Variants in CNTNAP2 observed in about 807,000 individuals in gnomAD.
CNTNAP2 encodes the protein contactin associated protein 2, also known as contactin-associated protein-like 2.
In CNTNAP2, 98 loss-of-function variants were observed where a neutral mutation model predicts 155.2. The ratio of observed to expected loss-of-function variants is 0.63; its 90% CI spans 0.54 to 0.75. The LOEUF is 0.75. Among genes scored for constraint, CNTNAP2 ranks in the 30% least tolerant of loss-of-function variants. The pLI, the probability that CNTNAP2 is intolerant of heterozygous loss-of-function variation, is 0.00. For missense variants in CNTNAP2, 1,727 were observed against 1,688.1 expected, an observed-to-expected ratio of 1.02 and a Z score of -0.40; for synonymous variants, 651 against 631.2, an observed-to-expected ratio of 1.03 and a Z score of -0.47.
intron 1 of CNTNAP2, among the ~76,000 whole-genome samples, chr7:146,350,123 G>T (rs1794889990): frequency 6.6e-6 from 1 of 151,810 alleles, no homozygotes; most frequent in Admixed American, 6.6e-5. Context: ...ATGTAGATTT[G>T]GTCTTTTCAC....
At chr7:147,786,854 T>C (rs551775173) in intron 13 of CNTNAP2, among the ~76,000 whole-genome samples, 5 of 152,138 alleles carry the variant, frequency 3.3e-5, no homozygotes, top group Non-Finnish European at 1.5e-5. Context: ...CTGTAGTCCC[T>C]GCTACTCATG....
intron 12 of CNTNAP2, among the ~76,000 whole-genome samples, chr7:147,614,969 C>T (rs1801253616): frequency 6.6e-6 from 1 of 151,318 alleles, no homozygotes; most frequent in South Asian, 2.1e-4. Flanking sequence ...ATTAAGAATT[C>T]AAGCCACATG....
intron 8 of CNTNAP2, 98 bp from the exon 9 acceptor site, chr7:147,300,043 A>G: frequency 7.5e-7 from 1 of 1,338,490 alleles, no homozygotes; most frequent in Non-Finnish European, 1.1e-6. Context: ...CCAAGAGAAA[A>G]ATACTTTTAT....
intron 8 of CNTNAP2, among the ~76,000 whole-genome samples, chr7:147,290,349 C>T (rs1171001749): frequency 1.3e-5 from 2 of 152,092 alleles, no homozygotes; most frequent in African/African-American, 4.8e-5. Context: ...CAGGGGACCG[C>T]TTTTAACAGC....
At chr7:148,299,372 T>C (rs1029782188) in intron 21 of CNTNAP2, among the ~76,000 whole-genome samples, 1 of 152,134 alleles carries the variant, frequency 6.6e-6, no homozygotes, top group Non-Finnish European at 1.5e-5. Flanking sequence ...TGGGAAAAGG[T>C]GTGTTGCATC....
intron 15 of CNTNAP2, chr7:148,044,745 C>T (rs1585094719): frequency 6.6e-6 from 1 of 152,372 alleles, no homozygotes. Flanking sequence ...ATTACCCAGT[C>T]TAAGATATTT....
intron 8 of CNTNAP2, among the ~76,000 whole-genome samples, chr7:147,288,915 A>G (rs1445896740): frequency 6.6e-6 from 1 of 152,180 alleles, no homozygotes; most frequent in Non-Finnish European, 1.5e-5. Flanking sequence ...TTCCCTTTAT[A>G]CATACATGTA....
intron 10 of CNTNAP2, among the ~76,000 whole-genome samples, chr7:147,448,472 A>ATGTG (rs201062278): frequency 1.7e-5 from 2 of 119,352 alleles, no homozygotes; most frequent in African/African-American, 5.7e-5. Context: ...CAAACCAAAT[A>ATGTG]TGTGTGTGTG....
At chr7:148,329,856 G>A (rs1457512159) in intron 21 of CNTNAP2, among the ~76,000 whole-genome samples, 1 of 150,702 alleles carries the variant, frequency 6.6e-6, no homozygotes, top group East Asian at 2.2e-4. Flanking sequence ...AGCTTTCCCT[G>A]ATGCACACCC....
intron 2 of CNTNAP2, among the ~76,000 whole-genome samples, chr7:146,817,569 A>C (rs997561514): frequency 6.6e-6 from 1 of 152,160 alleles, no homozygotes; most frequent in Non-Finnish European, 1.5e-5. Context: ...TGATGCTGGC[A>C]TCTGCTCAGC....
intron 1 of CNTNAP2, among the ~76,000 whole-genome samples, chr7:146,377,896 G>C (rs1166319879): frequency 1.3e-5 from 2 of 152,148 alleles, no homozygotes; most frequent in African/African-American, 4.8e-5. Context: ...GCCCAACGTG[G>C]GGCCTGAGAT....
At chr7:147,876,064 C>A (rs1274249504) in intron 13 of CNTNAP2, among the ~76,000 whole-genome samples, 1 of 152,136 alleles carries the variant, frequency 6.6e-6, no homozygotes, top group Non-Finnish European at 1.5e-5. Flanking sequence ...ACATTGGGAC[C>A]CAAATAAGTT....
chr7:147,446,577 G>A (rs1172552649), intron 10 of CNTNAP2, among the ~76,000 whole-genome samples: 1 of 151,930 alleles, frequency 6.6e-6, no homozygotes, highest in Non-Finnish European at 1.5e-5. Context: ...GACTGCGAGA[G>A]GACCTAACTG....
At chr7:146,239,243 G>T (rs1047683559) in intron 1 of CNTNAP2, among the ~76,000 whole-genome samples, 1 of 152,104 alleles carries the variant, frequency 6.6e-6, no homozygotes, top group East Asian at 1.9e-4. Flanking sequence ...TTTTTCTGCA[G>T]CTCCGGCTTT....
At chr7:146,130,962 GT>G (rs1797704887) in intron 1 of CNTNAP2, among the ~76,000 whole-genome samples, 1 of 152,132 alleles carries the variant, frequency 6.6e-6, no homozygotes, top group Non-Finnish European at 1.5e-5. Context: ...CCCCAACCAG[GT>G]TTCACCCTTG....
At chr7:148,174,538 G>T (rs1332305085) in intron 18 of CNTNAP2, among the ~76,000 whole-genome samples, 1 of 152,188 alleles carries the variant, frequency 6.6e-6, no homozygotes, top group African/African-American at 2.4e-5. Flanking sequence ...GGGAGTATAG[G>T]TCTATGCTTG....
At chr7:146,812,865 G>C (rs943136301) in intron 2 of CNTNAP2, among the ~76,000 whole-genome samples, 1 of 152,204 alleles carries the variant, frequency 6.6e-6, no homozygotes, top group Non-Finnish European at 1.5e-5. Flanking sequence ...CTCGGGAGAT[G>C]GTGCCCTATG....
chr7:146,841,358 G>A (rs1044259492), intron 3 of CNTNAP2, among the ~76,000 whole-genome samples: 1 of 151,026 alleles, frequency 6.6e-6, no homozygotes, highest in Non-Finnish European at 1.5e-5. Context: ...GGAAGACGGA[G>A]GAGTAAGGGG....
intron 3 of CNTNAP2, among the ~76,000 whole-genome samples, chr7:146,843,108 G>T (rs13240047): frequency 9.1e-6 from 1 of 109,338 alleles, no homozygotes; most frequent in African/African-American, 4.0e-5. Context: ...CGCTTCCCAG[G>T]TTCACGCCAT....
Sources: allele counts gnomAD v4.1 joint callset (sites outside exome capture counted in the v4.1 genomes callset), GRCh38; gene constraint gnomAD v4.1.1; transcripts MANE v1.5; gene names NCBI Gene and HGNC (gene_info 2026-07-23, HGNC 2026-07-21).